CAST: variants seen among roughly 807,000 people sequenced by gnomAD.
CAST encodes calpastatin.
In CAST, 76 loss-of-function variants were observed where a neutral mutation model predicts 119.6. The observed-to-expected ratio is 0.64, with a 90% CI of 0.53 to 0.77. The LOEUF (loss-of-function observed/expected upper bound fraction) is 0.77, where lower values mean the gene tolerates loss of function less well. CAST is among the 30% of genes least tolerant of loss of function. CAST has a pLI of 0.00. For synonymous variants in CAST, 319 were observed against 331.6 expected (o/e 0.96, Z 0.41); for missense variants, 953 against 946.5 (o/e 1.01, Z -0.09).
the CAST span, among the ~76,000 whole-genome samples, chr5:96,200,816 T>C: frequency 6.6e-6 from 1 of 152,138 alleles, no homozygotes; most frequent in Admixed American, 6.5e-5. Context: ...TATTAAATGC[T>C]TAGCACAGCA....
chr5:96,428,041 C>T, the CAST span, among the ~76,000 whole-genome samples: 1 of 151,604 alleles, frequency 6.6e-6, no homozygotes, highest in African/African-American at 2.4e-5. Context: ...TGTCCGTGGT[C>T]CTAATACAGC....
chr5:96,134,280 A>G, the CAST span, among the ~76,000 whole-genome samples: 2 of 152,182 alleles, frequency 1.3e-5, no homozygotes, highest in Admixed American at 6.5e-5. Flanking sequence ...TATGCCTTTC[A>G]CCCCATAGAG....
rs70981832 is a variant in CAST at position 96,603,759 on chromosome 5, C to CTTT, written c.61-71758_61-71756dup. Among the ~76,000 whole-genome samples, 449 of 79,500 alleles carry CTTT rather than the reference C, an allele frequency of 5.6e-3. 2 individuals are homozygous for CTTT. Among genetic ancestry groups the CTTT allele is most frequent in the Middle Eastern group, 8.8e-3 (1 of 114 alleles). The allele number at this position is 79,500 out of a possible 152,430, so 52.2% of individuals were successfully genotyped here. On this transcript the variant is annotated intron_variant, in intron 1 of 11. Transcript: ENST00000505143. Reference sequence around the variant, plus strand: ...TGTACATCATTGTATGTGCTGTACTCTTTTTTTTTTTTTTTTTTTTTTTTG... The same window carrying CTTT: ...TGTACATCATTGTATGTGCTGTACTCTTTTTTTTTTTTTTTTTTTTTTTTTTTG...
chr5:96,536,915 G>C (rs1745826609), intron 1 of CAST, among the ~76,000 whole-genome samples: 1 of 152,132 alleles, frequency 6.6e-6, no homozygotes, highest in Non-Finnish European at 1.5e-5. Context: ...GGGAACTTCT[G>C]ATCTCATTTC....
the CAST span, chr5:96,412,896 C>T: frequency 3.1e-6 from 2 of 637,232 alleles, no homozygotes; most frequent in Non-Finnish European, 4.0e-6. Flanking sequence ...TTTGCCCTCC[C>T]TCCCACCCCA....
intron 1 of CAST, among the ~76,000 whole-genome samples, chr5:96,612,760 A>G (rs1167254340): frequency 1.3e-5 from 2 of 152,192 alleles, no homozygotes; most frequent in African/African-American, 4.8e-5. Flanking sequence ...ATTTTCCTCA[A>G]ACTTATTTTA....
At chr5:96,115,134 G>A in the CAST span, among the ~76,000 whole-genome samples, 2 of 152,142 alleles carry the variant, frequency 1.3e-5, no homozygotes, top group African/African-American at 2.4e-5. Context: ...AAGAACTCCC[G>A]TTTTTCCTCC....
intron 1 of CAST, among the ~76,000 whole-genome samples, chr5:96,541,666 C>T (rs148783409): frequency 6.6e-6 from 1 of 152,240 alleles, no homozygotes; most frequent in African/African-American, 2.4e-5. Context: ...TGAGTTTTTA[C>T]GTTTGTATAG....
chr5:96,618,929 T>A (rs1747530935), intron 1 of CAST, among the ~76,000 whole-genome samples: 1 of 152,210 alleles, frequency 6.6e-6, no homozygotes, highest in Non-Finnish European at 1.5e-5. Flanking sequence ...GGCTCCTGAG[T>A]CGAGTGGGGA....
intron 1 of CAST, among the ~76,000 whole-genome samples, chr5:96,530,836 G>C (rs1013512388): frequency 6.6e-6 from 1 of 152,122 alleles, no homozygotes; most frequent in Non-Finnish European, 1.5e-5. Flanking sequence ...CTGTCTCCCA[G>C]GCTGGAGTAC....
the CAST span, among the ~76,000 whole-genome samples, chr5:96,171,271 T>C: frequency 1.3e-5 from 2 of 152,162 alleles, no homozygotes; most frequent in Non-Finnish European, 2.9e-5. Context: ...CCAAGCGGTG[T>C]TGCAGAAGAA....
At chr5:96,033,158 T>C in the CAST span, among the ~76,000 whole-genome samples, 2 of 152,066 alleles carry the variant, frequency 1.3e-5, no homozygotes, top group East Asian at 3.9e-4. Context: ...AAAATATTGA[T>C]GAAGGAAATT....
At chr5:96,501,089 G>A in the CAST span, among the ~76,000 whole-genome samples, 3 of 152,112 alleles carry the variant, frequency 2.0e-5, no homozygotes, top group Admixed American at 6.5e-5. Context: ...TGGCTGAGGC[G>A]TCAACCTGAA....
chr5:96,421,831 TA>T, the CAST span: 2 of 1,008,804 alleles, frequency 2.0e-6, no homozygotes, highest in Non-Finnish European at 3.2e-6. Context: ...TCAAACAAGA[TA>T]AAAGCATTGT....
At chr5:96,420,364 A>G in the CAST span, among the ~76,000 whole-genome samples, 2 of 152,180 alleles carry the variant, frequency 1.3e-5, no homozygotes, top group Non-Finnish European at 2.9e-5. Flanking sequence ...ACATATAGCA[A>G]AAAGTTTGTC....
chr5:96,002,875 C>A, the CAST span, among the ~76,000 whole-genome samples: 1 of 152,216 alleles, frequency 6.6e-6, no homozygotes, highest in Non-Finnish European at 1.5e-5. Context: ...AACTCATTTT[C>A]TCTCAGTCTT....
At chr5:96,013,812 T>A in the CAST span, among the ~76,000 whole-genome samples, 5 of 152,236 alleles carry the variant, frequency 3.3e-5, no homozygotes, top group South Asian at 8.3e-4. Flanking sequence ...AAATTGCACA[T>A]ATGTATAGGG....
chr5:96,143,051 C>T, the CAST span, among the ~76,000 whole-genome samples: 2 of 152,266 alleles, frequency 1.3e-5, no homozygotes, highest in African/African-American at 4.8e-5. Context: ...GTCTGAGTTT[C>T]AATAAGGGAG....
At chr5:96,252,331 C>A in the CAST span, among the ~76,000 whole-genome samples, 3,756 of 152,212 alleles carry the variant, frequency 0.025, 166 homozygotes, top group African/African-American at 0.086. Context: ...ATTCGCTCAT[C>A]TTTTTAATGA....
Sources: gnomAD v4.1 joint callset for allele counts (sites outside exome capture counted in the v4.1 genomes callset) on GRCh38, gnomAD v4.1.1 for gene constraint, MANE v1.5 for transcripts, NCBI Gene and HGNC (gene_info 2026-07-23, HGNC 2026-07-21) for gene names.